IQSEC2: variants seen among roughly 807,000 people sequenced by gnomAD.
The protein encoded by IQSEC2 is IQ motif and Sec7 domain ArfGEF 2.
Under a neutral mutation model 74.6 loss-of-function variants are expected in IQSEC2, and 6 were observed. The ratio of observed to expected loss-of-function variants is 0.08; its 90% CI spans 0.04 to 0.16. The LOEUF is 0.16. IQSEC2 is among the 10% of genes least tolerant of loss of function. The probability of loss-of-function intolerance (pLI) is 1.00; values close to 1 mark genes in which losing one functional copy is unlikely to be tolerated. For missense variants in IQSEC2, 734 were observed against 1,306.2 expected (o/e 0.56, Z 6.75); for synonymous variants, 494 against 544.5 (o/e 0.91, Z 1.29).
intron 13 of IQSEC2, among the ~76,000 whole-genome samples, chrX:53,236,115 C>T (rs1170646380): frequency 8.9e-6 from 1 of 112,282 alleles, no homozygotes; most frequent in Non-Finnish European, 1.9e-5. Context: ...TGTGGCCCCA[C>T]TTCACACTCC....
At chrX:53,280,812 G>A (rs1452337780) in intron 2 of IQSEC2, among the ~76,000 whole-genome samples, 1 of 111,904 alleles carries the variant, frequency 8.9e-6, no homozygotes, top group East Asian at 2.8e-4. Flanking sequence ...AGATGCCAGA[G>A]GTATGCCAGT....
chrX:53,279,862 AAG>A, intron 2 of IQSEC2: 1 of 177,204 alleles, frequency 5.6e-6, no homozygotes, highest in Non-Finnish European at 1.1e-5. Context: ...GAGAAAGGAA[AAG>A]AGGAAGGGAG....
At chrX:53,243,905 T>C (rs1556861499) in intron 8 of IQSEC2, among the ~76,000 whole-genome samples, 43 of 112,102 alleles carry the variant, frequency 3.8e-4, no homozygotes. Context: ...CTCAGAAATA[T>C]GTGCAAGAGG....
intron 4 of IQSEC2, among the ~76,000 whole-genome samples, chrX:53,253,696 A>G (rs1303089078): frequency 8.9e-6 from 1 of 111,859 alleles, no homozygotes; most frequent in Non-Finnish European, 1.9e-5. Context: ...CATGGCTCAG[A>G]GCACACTCTA....
intron 2 of IQSEC2, among the ~76,000 whole-genome samples, chrX:53,258,122 G>A (rs1035439400): frequency 9.0e-5 from 10 of 111,359 alleles, no homozygotes; most frequent in Middle Eastern, 4.7e-3. Flanking sequence ...AATCCCCATC[G>A]TCTCCGCCAT....
chrX:53,280,806 G>A (rs1314014152), intron 2 of IQSEC2, among the ~76,000 whole-genome samples: 1 of 111,904 alleles, frequency 8.9e-6, no homozygotes, highest in African/African-American at 3.2e-5. Context: ...CAGCGCAGAT[G>A]CCAGAGGTAT....
intron 8 of IQSEC2, among the ~76,000 whole-genome samples, chrX:53,243,941 G>A (rs782193777): frequency 6.3e-5 from 7 of 111,934 alleles, no homozygotes; most frequent in African/African-American, 1.3e-4. Context: ...TAGTGCAGGC[G>A]GGGCATGGTG....
In IQSEC2 at chrX:53,234,755, C is replaced by A; in HGVS notation, c.3931G>T (p.Ala1311Ser). Residue 1311 changes from alanine (A) to serine (S), a missense_variant, in exon 15 of 15, where the codon GCC (alanine) becomes TCC (serine). Ala to Ser is a moderately conservative substitution (Grantham distance 99). Transcript: ENST00000642864. ...PQLGSIPPPPASAPPVGPHRH... is the reference protein window; with the variant it reads ...PQLGSIPPPPSSAPPVGPHRH... The stretch of plus-strand genomic sequence containing the variant: ...TGTGGCCCCACAGGTGGGGCTGAGG[C>A]GGGAGGCGGTGGAATGGAGCCCAGC... 1.1e-6 allele frequency: 1 copy of A among 884,720 alleles called. No individual in the cohort carries two copies. The highest frequency in any genetic ancestry group is 2.8e-5 in the African/African-American group (1 of 35,684). 72.9% of individuals were successfully genotyped at this position (884,720 alleles called of 1,213,427 possible).
downstream of IQSEC2, among the ~76,000 whole-genome samples, chrX:53,228,610 C>G (rs2074052241): frequency 8.9e-6 from 1 of 112,010 alleles, no homozygotes; most frequent in South Asian, 3.7e-4. Context: ...CTGACACTGA[C>G]TTTGTGTCTC....
Position 53,234,440 on chromosome X carries a change from A to G in IQSEC2, c.4246T>C (p.Ser1416Pro). The change falls in exon 15 of 15, where the codon TCC becomes CCC. Residue 1416 changes from serine (S) to proline (P), a missense_variant. By Grantham distance (74) the Ser-to-Pro change is moderately conservative. Transcript: ENST00000642864. ...PGSRPPGGSY[S>P]HPHHPQSPLS... ...GGTGACTGGGGGTGGTGGGGGTGGG[A>G]GTAGGAGCCCCCTGGTGGCCGGGAT... The G allele has an allele frequency of 1.1e-5, 11 of 1,028,398 alleles. No individual in the cohort carries two copies. The Admixed American group carries it at 1.4e-4, about 13-fold the overall frequency. The allele number at this position is 1,028,398 out of a possible 1,213,427, so 84.8% of individuals were successfully genotyped here.
At chrX:53,285,252 CCTATAATTGT>C (rs1410603342) in intron 2 of IQSEC2, among the ~76,000 whole-genome samples, 2 of 112,192 alleles carry the variant, frequency 1.8e-5, no homozygotes, top group African/African-American at 6.5e-5. Context: ...CTGCACTTCC[CCTATAATTGT>C]CTGTAATTGT....
At chrX:53,306,442 G>T (rs1429650027) in intron 1 of IQSEC2, among the ~76,000 whole-genome samples, 2 of 111,254 alleles carry the variant, frequency 1.8e-5, no homozygotes, top group Non-Finnish European at 3.8e-5. Context: ...AGAGGTTGAG[G>T]AAAGGGGTGC....
chrX:53,275,728 CTTT>C (rs1219701474), intron 2 of IQSEC2, among the ~76,000 whole-genome samples: 3 of 81,682 alleles, frequency 3.7e-5, no homozygotes, highest in African/African-American at 4.7e-5. Context: ...TGCCCTCATT[CTTT>C]TTTTTTTTTT....
chrX:53,279,309 T>C, intron 2 of IQSEC2: 2 of 307,613 alleles, frequency 6.5e-6, no homozygotes, highest in East Asian at 9.2e-5. Context: ...GATTATCACA[T>C]AGTCTAGGAC....
At chrX:53,287,989 G>A (rs190847343) in intron 2 of IQSEC2, among the ~76,000 whole-genome samples, 1 of 111,978 alleles carries the variant, frequency 8.9e-6, no homozygotes, top group East Asian at 2.8e-4. Context: ...CTCCCATTTG[G>A]GCTGGCCCGA....
chrX:53,309,398 T>C (rs1328912120), intron 1 of IQSEC2, among the ~76,000 whole-genome samples: 1 of 112,290 alleles, frequency 8.9e-6, no homozygotes, highest in Non-Finnish European at 1.9e-5. Context: ...GTGCATTGCT[T>C]TGATTTAGTT....
At chrX:53,264,393 G>A (rs1227905648) in intron 2 of IQSEC2, among the ~76,000 whole-genome samples, 3 of 99,613 alleles carry the variant, frequency 3.0e-5, no homozygotes, top group Admixed American at 1.1e-4. Context: ...AGTTGCCCAC[G>A]GGTCGGGAGG....
At position 53,233,984 on chromosome X, in the gene IQSEC2, G is replaced by T. The variant is rs1401072185; in HGVS notation, c.*235C>A. ...TGGAAGGCCCTCACCACTCCCCAGC[G>T]CTGGAGCACCCTGAGTCCAGGCTTC... On this transcript the variant is annotated 3_prime_UTR_variant, in exon 15 of 15. Coordinates refer to ENST00000642864, the MANE Select transcript of IQSEC2 (RefSeq NM_001111125.3). 3.3e-5 allele frequency: 10 copies of T among 299,376 alleles called. No individual in the cohort carries two copies. The highest frequency in any genetic ancestry group is 5.2e-5 in the Non-Finnish European group (9 of 172,291). 24.7% of individuals were successfully genotyped at this position (299,376 alleles called of 1,213,427 possible). A position where few individuals can be genotyped will look rare whatever the true frequency, so the allele number is the denominator to read the frequency against.
intron 1 of IQSEC2, among the ~76,000 whole-genome samples, chrX:53,307,904 AG>A (rs1437533755): frequency 1.0e-5 from 1 of 96,968 alleles, no homozygotes; most frequent in Non-Finnish European, 2.1e-5. Flanking sequence ...AAAAAAAAAA[AG>A]GCCGGGCACG....
Sources: allele counts gnomAD v4.1 joint callset (sites outside exome capture counted in the v4.1 genomes callset), GRCh38; gene constraint gnomAD v4.1.1; transcripts MANE v1.5; gene names NCBI Gene and HGNC (gene_info 2026-07-23, HGNC 2026-07-21).